EFS: variants seen among roughly 807,000 people sequenced by gnomAD.
The protein encoded by EFS is embryonal Fyn-associated substrate.
EFS carries 34 observed loss-of-function variants against 42.2 expected under a neutral mutation model. The observed-to-expected ratio is 0.81, with a 90% CI of 0.61 to 1.07. EFS has a LOEUF of 1.07. EFS is among the 50% of genes least tolerant of loss of function. The probability of loss-of-function intolerance (pLI) is 0.00; values close to 1 mark genes in which losing one functional copy is unlikely to be tolerated. For missense variants in EFS, 717 were observed against 729.4 expected, an observed-to-expected ratio of 0.98 and a Z score of 0.20; for synonymous variants, 299 against 320.7, an observed-to-expected ratio of 0.93 and a Z score of 0.72.
intron 1 of EFS, 47 bp downstream of exon 1, chr14:23,364,961 G>A: frequency 7.9e-7 from 1 of 1,265,888 alleles, no homozygotes; most frequent in Non-Finnish European, 1.0e-6. Flanking sequence ...CGCAGGGCAG[G>A]CCGTGGAGGT....
Position 23,365,020 on chromosome 14 carries a change from G to A in EFS, c.6C>T (p.Ala2=). The A allele has an allele frequency of 7.5e-7, 1 of 1,340,520 alleles. No individual in the cohort carries two copies. Among genetic ancestry groups the A allele is most frequent in the South Asian group, 2.4e-5 (1 of 41,118 alleles). 83.0% of individuals were successfully genotyped at this position (1,340,520 alleles called of 1,614,324 possible). ...CTGGTGGACTCACCGACGTGGCAAT[G>A]GCCATGGCTTTGGCCTCCCGCGCAG... is the stretch of plus-strand genomic sequence containing the variant. M[A]IATSTQLARA... The change falls in exon 1 of 6, where the codon GCC becomes GCT. Residue 2 remains alanine, a synonymous_variant. Transcript: ENST00000216733. This position sits in a 1 kb window ranked among gnomAD's most constrained non-coding sequence, Gnocchi z 5.3.
At position 23,357,533 on chromosome 14, in the gene EFS, C is replaced by CTGGA; in HGVS notation, c.1375_1378dup (p.Ser460IlefsTer6). The CTGGA allele has an allele frequency of 1.9e-6, 3 of 1,613,428 alleles. No individual in the cohort carries two copies. Among genetic ancestry groups the CTGGA allele is most frequent in the Non-Finnish European group, 2.5e-6 (3 of 1,179,640 alleles). ...GCGCGGGGGCTGATTAGCCTGGGTA[C>CTGGA]TGGACATCAGGGCTGCCACGGCTGC... is the stretch of plus-strand genomic sequence containing the variant. On this transcript the variant is annotated frameshift_variant, in exon 6 of 6. Coordinates refer to ENST00000216733, the MANE Select transcript of EFS (RefSeq NM_005864.4). LOFTEE classifies it high-confidence loss of function.
At position 23,357,572 on chromosome 14, in the gene EFS, T is replaced by C. The variant is rs1595023245; in HGVS notation, c.1340A>G (p.Tyr447Cys). 2 of 1,608,044 alleles carry C rather than the reference T, an allele frequency of 1.2e-6. No homozygotes were observed. Among genetic ancestry groups the C allele is most frequent in the East Asian group, 4.5e-5 (2 of 44,700 alleles). Residue 447 changes from tyrosine to cysteine, a missense_variant, in exon 6 of 6, where the codon TAC (tyrosine) becomes TGC (cysteine). By Grantham distance (194) the Tyr-to-Cys change is radical (BLOSUM62 -2). Transcript: ENST00000216733. ...TGCCACGGCTGCCTGCAGGGCTGAG[T>C]AGTGGCTCTGGCATTGCCCAGCATA... ...YFYAGQCQSHYSALQAAVAAL... is the reference protein window; with the variant it reads ...YFYAGQCQSHCSALQAAVAAL...
At position 23,360,846 on chromosome 14, in the gene EFS, G is replaced by A. The variant is rs767158899; in HGVS notation, c.19-13C>T. 1.2e-6 allele frequency: 2 copies of A among 1,603,520 alleles called. No individual in the cohort carries two copies. Among genetic ancestry groups the A allele is most frequent in the East Asian group, 2.2e-5 (1 of 44,726 alleles). ...GGGCCAGCTGGGTCTGGTTGGGGAGGTGGGAGTGGGGAGAAGGGTCTTCAG... is the reference window on the plus strand; with the variant it reads ...GGGCCAGCTGGGTCTGGTTGGGGAGATGGGAGTGGGGAGAAGGGTCTTCAG... On this transcript the variant is annotated splice_polypyrimidine_tract_variant and intron_variant, in intron 1 of 5. Coordinates refer to ENST00000216733, the MANE Select transcript of EFS (RefSeq NM_005864.4).
chr14:23,357,511 C>T lies in EFS; in HGVS notation c.1401G>A (p.Pro467=), dbSNP rs149633716. ...TCTTGCTGTGGGGCACGAAAAGGCGCGGGGGCTGATTAGCCTGGGTACTGG... is the reference window on the plus strand; with the variant it reads ...TCTTGCTGTGGGGCACGAAAAGGCGTGGGGGCTGATTAGCCTGGGTACTGG... The part of the protein sequence containing the change: ...LMSSTQANQP[P]RLFVPHSKRV... The change falls in exon 6 of 6, where the codon CCG becomes CCA. Residue 467 remains proline, a synonymous_variant. Transcript: ENST00000216733. 190 of 1,613,866 alleles carry T rather than the reference C, an allele frequency of 1.2e-4. No individual in the cohort carries two copies. Among genetic ancestry groups the T allele is most frequent in the Non-Finnish European group, 1.5e-4 (177 of 1,179,934 alleles).
Position 23,360,836 on chromosome 14 carries a change from G to A in EFS, c.19-3C>T, listed in dbSNP as rs1401102440. On this transcript the variant is annotated splice_polypyrimidine_tract_variant and splice_region_variant and intron_variant, in intron 1 of 5. Transcript: ENST00000216733. The stretch of plus-strand genomic sequence containing the variant: ...TACAGTGCCCGGGCCAGCTGGGTCT[G>A]GTTGGGGAGGTGGGAGTGGGGAGAA... The A allele has an allele frequency of 6.2e-7, 1 of 1,606,984 alleles. No homozygotes were observed.
In EFS at chr14:23,360,820, C is replaced by T. The variant is rs747555440; in HGVS notation, c.32G>A (p.Arg11Gln). MAIATSTQLA[R>Q]ALYDNTAESP... ...CTCAGCGGTGTTGTCATACAGTGCCCGGGCCAGCTGGGTCTGGTTGGGGAG... is the reference window on the plus strand; with the variant it reads ...CTCAGCGGTGTTGTCATACAGTGCCTGGGCCAGCTGGGTCTGGTTGGGGAG... Residue 11 changes from arginine (R) to glutamine (Q), a missense_variant, in exon 2 of 6, where the codon CGG becomes CAG. Coordinates refer to ENST00000216733, the MANE Select transcript of EFS (RefSeq NM_005864.4). 61 of 1,609,188 alleles carry T rather than the reference C, an allele frequency of 3.8e-5. No individual in the cohort carries two copies. The highest frequency in any genetic ancestry group is 2.7e-5 in the African/African-American group (2 of 74,688).
intron 4 of EFS, 82 bp from the exon 5 acceptor site, chr14:23,359,047 G>T: frequency 7.6e-7 from 1 of 1,312,728 alleles, no homozygotes. Flanking sequence ...CCCTTCCCCG[G>T]ACCCCCTTCC....
intron 1 of EFS, among the ~76,000 whole-genome samples, chr14:23,364,448 GA>G (rs960271710): frequency 6.6e-6 from 1 of 152,082 alleles, no homozygotes; most frequent in African/African-American, 2.4e-5. Context: ...CCTTTGTCCC[GA>G]TCCCTGGAAA....
rs202015763 is a variant in EFS at position 23,359,902 on chromosome 14, C to T, written c.576G>A (p.Leu192=). 2 of 1,537,704 alleles carry T rather than the reference C, an allele frequency of 1.3e-6. No homozygotes were observed. Among genetic ancestry groups the T allele is most frequent in the East Asian group, 4.5e-5 (2 of 44,198 alleles). ...GEDDAPYDVP[L]TPKPPAELEP... The stretch of plus-strand genomic sequence containing the variant: ...CCAGCTCTGCAGGTGGCTTTGGGGT[C>T]AGAGGCACATCATAGGGAGCATCAT... The change falls in exon 4 of 6, where the codon CTG becomes CTA. Residue 192 remains leucine, a synonymous_variant. Transcript: ENST00000216733.
intron 1 of EFS, among the ~76,000 whole-genome samples, chr14:23,362,916 T>C (rs1464980671): frequency 1.4e-5 from 2 of 140,840 alleles, no homozygotes; most frequent in Non-Finnish European, 3.1e-5. Flanking sequence ...TTTCTTTCTT[T>C]CTTTTTTTTT....
intron 2 of EFS, 125 bp downstream of exon 2, chr14:23,360,430 C>G: frequency 6.7e-7 from 1 of 1,491,650 alleles, no homozygotes; most frequent in African/African-American, 1.4e-5. Flanking sequence ...TTTCGTCCAG[C>G]GCAGAGCAGT....
rs769156521 is a variant in EFS, at chr14:23,357,681, T to A, written c.1252-21A>T. On this transcript the variant is annotated intron_variant, in intron 5 of 5. Coordinates refer to ENST00000216733, the MANE Select transcript of EFS (RefSeq NM_005864.4). The stretch of plus-strand genomic sequence containing the variant: ...GCCTCCTGAAGGGCAAGAGGAGTGG[T>A]CAGAGAGAACATTCTCATGAGTGCC... 2.7e-6 allele frequency: 4 copies of A among 1,499,514 alleles called. 1 individual carries two copies. In the Admixed American group the frequency reaches 8.9e-5, roughly 33 times the overall value. 92.9% of individuals were successfully genotyped at this position (1,499,514 alleles called of 1,614,324 possible).
intron 1 of EFS, among the ~76,000 whole-genome samples, chr14:23,363,359 A>C (rs967146074): frequency 6.6e-6 from 1 of 152,216 alleles, no homozygotes. Context: ...TGAGAGTTGC[A>C]TGAGATAACG....
Position 23,359,716 on chromosome 14 carries a change from A to G in EFS, c.762T>C (p.Asp254=). ...EGGGTDEGIY[D]VPLLGPEAPP... ...GAGCCTCTGGCCCCAGCAGAGGCAC[A>G]TCGTAGATCCCCTCATCAGTGCCCC... is the stretch of plus-strand genomic sequence containing the variant. Residue 254 remains aspartate, a synonymous_variant, in exon 4 of 6, where the codon GAT becomes GAC. Transcript: ENST00000216733. 1.3e-6 allele frequency: 2 copies of G among 1,515,508 alleles called. No individual in the cohort carries two copies. Among genetic ancestry groups the G allele is most frequent in the Non-Finnish European group, 8.8e-7 (1 of 1,133,234 alleles). The allele number at this position is 1,515,508 out of a possible 1,614,324, so 93.9% of individuals were successfully genotyped here.
chr14:23,359,697 C>G lies in EFS; in HGVS notation c.781G>C (p.Glu261Gln). ...GGGGGCTCTGGAGAAGGGGGAGCCT[C>G]TGGCCCCAGCAGAGGCACATCGTAG... ...GIYDVPLLGP[E>Q]APPSPEPPGA... Residue 261 changes from glutamate to glutamine, a missense_variant, in exon 4 of 6, where the codon GAG becomes CAG. Glu to Gln is a conservative substitution (Grantham distance 29). Coordinates refer to ENST00000216733, the MANE Select transcript of EFS (RefSeq NM_005864.4). 6.6e-7 allele frequency: 1 copy of G among 1,513,936 alleles called. No individual in the cohort carries two copies. The allele number at this position is 1,513,936 out of a possible 1,614,324, so 93.8% of individuals were successfully genotyped here.
intron 1 of EFS, 121 bp downstream of exon 1, chr14:23,364,887 C>A (rs1424268522): frequency 4.4e-6 from 4 of 900,056 alleles, no homozygotes; most frequent in Non-Finnish European, 5.9e-6. Flanking sequence ...GGGGACACAG[C>A]CTCCTGGAGA....
chr14:23,359,015 G>T (rs1890023256), intron 4 of EFS, 50 bp from the exon 5 acceptor site: 7 of 1,481,676 alleles, frequency 4.7e-6, no homozygotes, highest in South Asian at 1.3e-5. Context: ...GCAGGACGGG[G>T]TGGCCTCTGT....
chr14:23,360,102 G>T, intron 3 of EFS, 39 bp downstream of exon 3: 1 of 1,614,116 alleles, frequency 6.2e-7, no homozygotes, highest in East Asian at 2.2e-5. Context: ...GGGGCCATTT[G>T]TCTCCCACCC....
Sources: gnomAD v4.1 joint callset for allele counts (sites outside exome capture counted in the v4.1 genomes callset) on GRCh38, gnomAD v4.1.1 for gene constraint, Gnocchi (gnomAD v3.1) non-coding constraint, MANE v1.5 for transcripts, NCBI Gene and HGNC (gene_info 2026-07-23, HGNC 2026-07-21) for gene names.